The following PRKG1 variants were observed in gnomAD, a reference collection of about 807,000 sequenced individuals.
PRKG1 encodes protein kinase cGMP-dependent 1, also known as cGMP-dependent protein kinase 1.
Under a neutral mutation model 88.1 loss-of-function variants are expected in PRKG1, and 35 were observed. The observed-to-expected ratio is 0.40, with a 90% CI of 0.30 to 0.53. The LOEUF (loss-of-function observed/expected upper bound fraction) is 0.53. Among genes scored for constraint, PRKG1 ranks in the 20% least tolerant of loss-of-function variants. PRKG1 has a pLI of 0.59. For missense variants in PRKG1, 540 were observed against 839.8 expected, an observed-to-expected ratio of 0.64 and a Z score of 4.41; for synonymous variants, 303 against 292.5, an observed-to-expected ratio of 1.04 and a Z score of -0.37.
At chr10:51,365,505 A>G (rs1273011950) in intron 2 of PRKG1, among the ~76,000 whole-genome samples, 1 of 151,962 alleles carries the variant, frequency 6.6e-6, no homozygotes. Context: ...TCTACAGTGG[A>G]GCAGTCCTGC....
chr10:51,479,067 A>T (rs1374432381), intron 3 of PRKG1, among the ~76,000 whole-genome samples: 1 of 152,042 alleles, frequency 6.6e-6, no homozygotes, highest in Non-Finnish European at 1.5e-5. Context: ...TAAATGAAAG[A>T]TGTAATCTTT....
chr10:51,628,035 TTTCCTTCC>T, intron 3 of PRKG1, among the ~76,000 whole-genome samples: 2 of 129,908 alleles, frequency 1.5e-5, no homozygotes, highest in African/African-American at 5.6e-5. Context: ...TCTTTCTTTC[TTTCCTTCC>T]TTCTTTCCTT....
intron 2 of PRKG1, among the ~76,000 whole-genome samples, chr10:51,201,838 G>A (rs924794403): frequency 6.6e-6 from 1 of 152,218 alleles, no homozygotes; most frequent in African/African-American, 2.4e-5. Context: ...ACAACTGTGA[G>A]AAATAAATGT....
At chr10:51,231,523 A>C (rs867827003) in intron 2 of PRKG1, among the ~76,000 whole-genome samples, 6 of 152,086 alleles carry the variant, frequency 3.9e-5, no homozygotes, top group Admixed American at 2.0e-4. Flanking sequence ...TTGCTGCTTG[A>C]ATCTGGGATT....
chr10:51,931,149 A>G lies in PRKG1; in HGVS notation c.762+23579A>G, dbSNP rs546125898. On this transcript the variant is annotated intron_variant, in intron 5 of 17. Coordinates refer to ENST00000373980, the MANE Select transcript of PRKG1 (RefSeq NM_006258.4). Reference sequence around the variant, plus strand: ...TAATTGGTCCATTATGGAACTGAATATTCAATTTTTGTGTCTCTGGCACAT... The same window carrying G: ...TAATTGGTCCATTATGGAACTGAATGTTCAATTTTTGTGTCTCTGGCACAT... 2.6e-5 allele frequency among the ~76,000 whole-genome samples: 4 copies of G among 152,330 alleles called. No homozygotes were observed. The South Asian group carries it at 8.3e-4, about 32-fold the overall frequency.
chr10:51,147,393 A>G (rs1175156570), intron 1 of PRKG1, among the ~76,000 whole-genome samples: 4 of 152,094 alleles, frequency 2.6e-5, no homozygotes, highest in African/African-American at 9.7e-5. Flanking sequence ...ATCACTCTGT[A>G]TCCCATAAAT....
intron 9 of PRKG1, among the ~76,000 whole-genome samples, chr10:52,244,908 TA>T (rs1840982793): frequency 3.3e-5 from 1 of 30,692 alleles, no homozygotes; most frequent in East Asian, 0.042. Flanking sequence ...ATAAACTTTT[TA>T]AAATATATAT....
rs568079846 is a variant in PRKG1 at position 51,417,548 on chromosome 10, A to T, written c.479-50175A>T. 2.6e-5 allele frequency among the ~76,000 whole-genome samples: 4 copies of T among 152,346 alleles called. No homozygotes were observed. The South Asian group carries it at 8.3e-4, about 32-fold the overall frequency. On this transcript the variant is annotated intron_variant, in intron 2 of 17. Coordinates refer to ENST00000373980, the MANE Select transcript of PRKG1 (RefSeq NM_006258.4). ...ATTCACCACTTCTGTGATTAAGGTC[A>T]TAAAATGATAAAGCAAACCATAGAA...
intron 2 of PRKG1, among the ~76,000 whole-genome samples, chr10:51,305,921 T>C (rs778890442): frequency 6.6e-6 from 1 of 152,180 alleles, no homozygotes; most frequent in Non-Finnish European, 1.5e-5. Context: ...TTGAATATGT[T>C]CAATTTCTGT....
At chr10:51,059,407 T>G (rs78161825) in intron 1 of PRKG1, among the ~76,000 whole-genome samples, 1 of 152,054 alleles carries the variant, frequency 6.6e-6, no homozygotes, top group Non-Finnish European at 1.5e-5. Flanking sequence ...CATTTATTTA[T>G]TTTTTTAGAG....
At chr10:51,715,575 T>G (rs558122582) in intron 3 of PRKG1, among the ~76,000 whole-genome samples, 1 of 152,302 alleles carries the variant, frequency 6.6e-6, no homozygotes, top group Admixed American at 6.5e-5. Flanking sequence ...GAATAGAAGG[T>G]GATTCAACAG....
chr10:52,169,168 A>C (rs1838587192), intron 9 of PRKG1, among the ~76,000 whole-genome samples: 1 of 152,206 alleles, frequency 6.6e-6, no homozygotes, highest in South Asian at 2.1e-4. Context: ...AGAAGGAGAG[A>C]TGAAAGGTAG....
At chr10:51,299,237 A>G (rs1227377522) in intron 2 of PRKG1, among the ~76,000 whole-genome samples, 3 of 149,696 alleles carry the variant, frequency 2.0e-5, no homozygotes, top group African/African-American at 7.7e-5. Flanking sequence ...ATGGAGTCTC[A>G]CTGTGTTACC....
At chr10:51,647,334 G>A (rs558383184) in intron 3 of PRKG1, among the ~76,000 whole-genome samples, 4 of 152,190 alleles carry the variant, frequency 2.6e-5, no homozygotes, top group South Asian at 2.1e-4. Context: ...ATATAATTGA[G>A]ACAAAAAGAC....
chr10:52,096,146 G>A (rs987120587), intron 7 of PRKG1, among the ~76,000 whole-genome samples: 11 of 152,124 alleles, frequency 7.2e-5, no homozygotes, highest in Admixed American at 2.0e-4. Flanking sequence ...TCACTGATAC[G>A]TTTTGTACTC....
rs1837546273 is a variant in PRKG1, at chr10:51,564,306, G to C, written c.592+96470G>C. On this transcript the variant is annotated intron_variant, in intron 3 of 17. Transcript: ENST00000373980. Reference sequence around the variant, plus strand: ...AATTGATAAAATATATAAGGAGATTGTATTCTATTCTTTGTTATAATAGAT... The same window carrying C: ...AATTGATAAAATATATAAGGAGATTCTATTCTATTCTTTGTTATAATAGAT... Among the ~76,000 whole-genome samples the C allele has an allele frequency of 2.0e-5, 3 of 152,052 alleles. No individual in the cohort carries two copies. The South Asian group carries it at 6.2e-4, about 31-fold the overall frequency.
In PRKG1 at chr10:51,527,537, A is replaced by G. The variant is rs565583628; in HGVS notation, c.592+59701A>G. ...GTCTATTTCAAGGGGAAAAAAAAGT[A>G]TATGAGTAAGACTTGCTAACTATGA... On this transcript the variant is annotated intron_variant, in intron 3 of 17. Transcript: ENST00000373980. Among the ~76,000 whole-genome samples the G allele has an allele frequency of 2.9e-4, 44 of 152,322 alleles. No individual in the cohort carries two copies. In the South Asian group the frequency reaches 7.7e-3, roughly 27 times the overall value.
intron 3 of PRKG1, among the ~76,000 whole-genome samples, chr10:51,473,352 G>A (rs538751320): frequency 2.4e-4 from 37 of 151,904 alleles, no homozygotes; most frequent in Non-Finnish European, 4.9e-4. Flanking sequence ...TCGGAGAAGA[G>A]GCAAACTATT....
At chr10:50,993,839 G>T (rs2816829) in intron 1 of PRKG1, among the ~76,000 whole-genome samples, 132,973 of 152,208 alleles carry the variant, frequency 0.87, 58,192 homozygotes, top group East Asian at 0.94. Context: ...TGTTGTTGTT[G>T]TTTGTATGTA....
Sources: allele counts gnomAD v4.1 joint callset (sites outside exome capture counted in the v4.1 genomes callset), GRCh38; gene constraint gnomAD v4.1.1; transcripts MANE v1.5; gene names NCBI Gene and HGNC (gene_info 2026-07-23, HGNC 2026-07-21).